Variants in CTNNA1 observed in about 807,000 individuals in gnomAD.
The protein encoded by CTNNA1 is catenin alpha 1.
A neutral mutation model predicts 98.4 loss-of-function variants in CTNNA1; 37 were observed. That is an observed-to-expected ratio of 0.38 (90% CI 0.29 to 0.49). The LOEUF (loss-of-function observed/expected upper bound fraction) is 0.49. Ranked by LOEUF, CTNNA1 falls within the 20% of genes least tolerant of loss-of-function variation. The pLI is 0.95. For synonymous variants in CTNNA1, 404 were observed against 413.2 expected, an observed-to-expected ratio of 0.98 and a Z score of 0.27; for missense variants, 761 against 1,147.2, an observed-to-expected ratio of 0.66 and a Z score of 4.86.
At chr5:138,876,922 C>T (rs748774056) in intron 7 of CTNNA1, among the ~76,000 whole-genome samples, 10 of 152,106 alleles carry the variant, frequency 6.6e-5, no homozygotes, top group African/African-American at 1.2e-4. Flanking sequence ...AAAATGCCTA[C>T]GAAGTACAAA....
chr5:138,786,592 A>G (rs1220446126), intron 3 of CTNNA1, among the ~76,000 whole-genome samples: 2 of 152,212 alleles, frequency 1.3e-5, no homozygotes, highest in South Asian at 2.1e-4. Flanking sequence ...GAGCAAAGTT[A>G]TAAAAATGGG....
At chr5:138,781,412 C>T (rs1261578906) in intron 1 of CTNNA1, among the ~76,000 whole-genome samples, 7 of 152,032 alleles carry the variant, frequency 4.6e-5, no homozygotes, top group African/African-American at 9.7e-5. Context: ...AAAAATTAGC[C>T]GGGCGTGGTG....
At chr5:138,922,655 T>A (rs1763154195) in intron 11 of CTNNA1, among the ~76,000 whole-genome samples, 1 of 152,178 alleles carries the variant, frequency 6.6e-6, no homozygotes, top group Admixed American at 6.6e-5. Context: ...CAGTTAAGTG[T>A]GGGCAGAGCC....
intron 9 of CTNNA1, among the ~76,000 whole-genome samples, chr5:138,893,235 C>T (rs1361731314): frequency 6.6e-6 from 1 of 152,112 alleles, no homozygotes; most frequent in East Asian, 1.9e-4. Flanking sequence ...CGGAAGGAGA[C>T]TGCCCAGTGT....
intron 7 of CTNNA1, among the ~76,000 whole-genome samples, chr5:138,862,896 A>G (rs1256458668): frequency 6.6e-6 from 1 of 152,234 alleles, no homozygotes; most frequent in African/African-American, 2.4e-5. Context: ...TATTTGATGG[A>G]TCTGTAGCAT....
Position 138,781,020 on chromosome 5 carries a change from A to G in CTNNA1, c.-2-903A>G, listed in dbSNP as rs182027511. 1.0e-3 allele frequency among the ~76,000 whole-genome samples: 156 copies of G among 152,318 alleles called. No individual in the cohort carries two copies. The highest frequency in any genetic ancestry group is 1.2e-3 in the Non-Finnish European group (85 of 68,040). ...GACAGAAGTTTCTCTTGACACTGAT[A>G]CAGTGATATTTGACTAAGTGTGATT... is the stretch of plus-strand genomic sequence containing the variant. On this transcript the variant is annotated intron_variant, in intron 1 of 17. Coordinates refer to ENST00000302763, the MANE Select transcript of CTNNA1 (RefSeq NM_001903.5).
chr5:138,824,501 C>T (rs765069190), intron 5 of CTNNA1, 29 bp from the exon 6 acceptor site: 7 of 1,605,512 alleles, frequency 4.4e-6, no homozygotes, highest in South Asian at 2.2e-5. Context: ...AAAGAGTGCT[C>T]CAATTTCTTG....
intron 6 of CTNNA1, among the ~76,000 whole-genome samples, chr5:138,825,247 C>T (rs1430122667): frequency 6.6e-6 from 1 of 152,040 alleles, no homozygotes; most frequent in Non-Finnish European, 1.5e-5. Flanking sequence ...TCTTGTCTGC[C>T]TAGATATACT....
At chr5:138,769,584 G>A (rs1326718970) in intron 1 of CTNNA1, among the ~76,000 whole-genome samples, 1 of 151,892 alleles carries the variant, frequency 6.6e-6, no homozygotes, top group Non-Finnish European at 1.5e-5. Flanking sequence ...CCAGGCCGGA[G>A]TGCAATGGTG....
chr5:138,817,965 C>A (rs1434251394), intron 5 of CTNNA1, among the ~76,000 whole-genome samples: 1 of 151,372 alleles, frequency 6.6e-6, no homozygotes, highest in African/African-American at 2.4e-5. Flanking sequence ...TGGCTCATTG[C>A]AACCTCCACC....
At chr5:138,921,276 A>G (rs1762862713) in intron 11 of CTNNA1, among the ~76,000 whole-genome samples, 1 of 152,248 alleles carries the variant, frequency 6.6e-6, no homozygotes, top group South Asian at 2.1e-4. Flanking sequence ...CTCTGTGCTT[A>G]CATGTTGCAG....
intron 11 of CTNNA1, 112 bp downstream of exon 11, chr5:138,918,010 A>G (rs920300839): frequency 2.7e-6 from 3 of 1,119,244 alleles, no homozygotes; most frequent in South Asian, 1.5e-5. Context: ...TATTCTAACA[A>G]TAATATTGTG....
rs540627474 is a variant in CTNNA1 at position 138,873,825 on chromosome 5, A to G, written c.1063-12387A>G. On this transcript the variant is annotated intron_variant, in intron 7 of 17. Transcript: ENST00000302763. The surrounding 1 kb of genome is among the most constrained non-coding windows in gnomAD (Gnocchi z 6.1). ...GTGCCCCAGGTCCACTCCATCCCAC[A>G]TGTCAAGTTGCTGATTTTGTTCCAT... The G allele has an allele frequency of 2.5e-6, 4 of 1,613,970 alleles. No homozygotes were observed. Among genetic ancestry groups the G allele is most frequent in the Admixed American group, 1.7e-5 (1 of 60,016 alleles).
chr5:138,850,203 A>C (rs887784850), intron 7 of CTNNA1, among the ~76,000 whole-genome samples: 1 of 152,186 alleles, frequency 6.6e-6, no homozygotes, highest in African/African-American at 2.4e-5. Context: ...CTTTTGGCCA[A>C]ACCATCCGCA....
intron 17 of CTNNA1, chr5:138,933,087 T>C: frequency 2.9e-6 from 2 of 684,888 alleles, no homozygotes; most frequent in Non-Finnish European, 2.6e-6. Flanking sequence ...TGAGCCGAGA[T>C]GGCACCACTG....
At chr5:138,880,963 A>T (rs1032263491) in intron 7 of CTNNA1, 2 of 439,458 alleles carry the variant, frequency 4.6e-6, no homozygotes, top group Admixed American at 2.5e-5. Context: ...TGAATATGTG[A>T]TGTTGTTAAT....
rs1043938810 is a variant in CTNNA1, at chr5:138,763,097, A to G, written c.-3+9587A>G. 7.2e-4 allele frequency among the ~76,000 whole-genome samples: 58 copies of G among 81,036 alleles called. No individual in the cohort carries two copies. In the Admixed American group the frequency reaches 8.1e-3, roughly 11 times the overall value. 53.2% of individuals were successfully genotyped at this position (81,036 alleles called of 152,430 possible). ...ACTCTCTTGAAAGTGTCTTATTGCT[A>G]TGTTTTTTTTTGTCAGTATTTGACA... On this transcript the variant is annotated intron_variant, in intron 1 of 17. Coordinates refer to ENST00000302763, the MANE Select transcript of CTNNA1 (RefSeq NM_001903.5).
In CTNNA1 at chr5:138,873,256, A is replaced by G; in HGVS notation, c.1063-12956A>G. On this transcript the variant is annotated intron_variant, in intron 7 of 17. Coordinates refer to ENST00000302763, the MANE Select transcript of CTNNA1 (RefSeq NM_001903.5). The surrounding 1 kb of genome is among the most constrained non-coding windows in gnomAD (Gnocchi z 6.1). ...AGATGAACACTATAAAAATAATAAA[A>G]AAGAAAGAAAACAATAAAGCCATTG... is the stretch of plus-strand genomic sequence containing the variant. 1 of 1,613,840 alleles carries G rather than the reference A, an allele frequency of 6.2e-7. No individual in the cohort carries two copies. Among genetic ancestry groups the G allele is most frequent in the Non-Finnish European group, 8.5e-7 (1 of 1,179,804 alleles).
chr5:138,824,884 C>A, intron 6 of CTNNA1, 85 bp downstream of exon 6: 1 of 1,220,408 alleles, frequency 8.2e-7, no homozygotes, highest in Non-Finnish European at 1.2e-6. Flanking sequence ...ATCAAGGCTT[C>A]TGATGATAGC....
Sources: allele counts gnomAD v4.1 joint callset (sites outside exome capture counted in the v4.1 genomes callset), GRCh38; gene constraint gnomAD v4.1.1; non-coding constraint Gnocchi (gnomAD v3.1); transcripts MANE v1.5; gene names NCBI Gene and HGNC (gene_info 2026-07-23, HGNC 2026-07-21).